The following NKAIN3 variants were observed in gnomAD, a reference collection of about 807,000 sequenced individuals.
NKAIN3 encodes sodium/potassium-transporting ATPase subunit beta-1-interacting protein 3.
Under a neutral mutation model 30.2 loss-of-function variants are expected in NKAIN3, and 25 were observed. The observed-to-expected ratio is 0.83, with a 90% CI of 0.60 to 1.16. The LOEUF (loss-of-function observed/expected upper bound fraction) is 1.16, where lower values mean the gene tolerates loss of function less well. NKAIN3 is among the 50% of genes most tolerant of loss of function. NKAIN3 has a pLI of 0.00. For missense variants in NKAIN3, 225 were observed against 254.1 expected (o/e 0.89, Z 0.78); for synonymous variants, 91 against 89.6 (o/e 1.02, Z -0.09).
chr8:62,391,813 G>GTGTA (rs931941768), intron 1 of NKAIN3, among the ~76,000 whole-genome samples: 49 of 152,042 alleles, frequency 3.2e-4, no homozygotes, highest in African/African-American at 1.1e-3. Flanking sequence ...GTGTGGGTGT[G>GTGTA]TGTATGCGTG....
At chr8:62,630,364 T>G (rs1010739079) in intron 3 of NKAIN3, among the ~76,000 whole-genome samples, 4 of 152,036 alleles carry the variant, frequency 2.6e-5, no homozygotes, top group Non-Finnish European at 5.9e-5. Context: ...TGCAATAAAA[T>G]GAGGTATAAG....
chr8:62,772,021 T>C (rs910248812), intron 4 of NKAIN3, among the ~76,000 whole-genome samples: 1 of 152,198 alleles, frequency 6.6e-6, no homozygotes, highest in African/African-American at 2.4e-5. Flanking sequence ...CCTATCTAAC[T>C]ATATTTTTGT....
At chr8:62,256,938 C>A (rs1230860028) in intron 1 of NKAIN3, among the ~76,000 whole-genome samples, 2 of 152,126 alleles carry the variant, frequency 1.3e-5, no homozygotes, top group Non-Finnish European at 2.9e-5. Flanking sequence ...TCCTGTTTCT[C>A]TACTTTACAA....
At chr8:62,904,108 T>C (rs1366935180) in intron 4 of NKAIN3, among the ~76,000 whole-genome samples, 1 of 152,178 alleles carries the variant, frequency 6.6e-6, no homozygotes, top group East Asian at 1.9e-4. Flanking sequence ...CCCAAATTAG[T>C]AGCCACATGT....
chr8:62,273,150 G>C (rs917543800), intron 1 of NKAIN3, among the ~76,000 whole-genome samples: 1 of 152,264 alleles, frequency 6.6e-6, no homozygotes, highest in Admixed American at 6.5e-5. Context: ...GCTGATCTTT[G>C]TTCTATACTT....
intron 1 of NKAIN3, among the ~76,000 whole-genome samples, chr8:62,520,566 T>C (rs1808123620): frequency 6.6e-6 from 1 of 152,140 alleles, no homozygotes; most frequent in Non-Finnish European, 1.5e-5. Flanking sequence ...ACTTGAACAC[T>C]ACTTATATGT....
At chr8:62,566,604 A>G (rs1326037509) in intron 1 of NKAIN3, among the ~76,000 whole-genome samples, 1 of 152,136 alleles carries the variant, frequency 6.6e-6, no homozygotes, top group Non-Finnish European at 1.5e-5. Flanking sequence ...CTTTAATCAT[A>G]TATGTAAAAT....
chr8:62,928,180 C>T (rs140212464), intron 5 of NKAIN3, among the ~76,000 whole-genome samples: 1,671 of 152,214 alleles, frequency 0.011, 25 homozygotes, highest in Middle Eastern at 0.02. Flanking sequence ...AAATAGGGAA[C>T]ATTTGGTAAA....
At chr8:62,470,517 C>CT (rs1171754320) in intron 1 of NKAIN3, among the ~76,000 whole-genome samples, 1 of 151,980 alleles carries the variant, frequency 6.6e-6, no homozygotes, top group East Asian at 1.9e-4. Context: ...AATCCTGAAT[C>CT]TTTTTGCTAA....
At chr8:62,716,888 G>A (rs1413659646) in intron 3 of NKAIN3, among the ~76,000 whole-genome samples, 1 of 152,040 alleles carries the variant, frequency 6.6e-6, no homozygotes, top group Admixed American at 6.6e-5. Context: ...TTGAGGCCAG[G>A]AGTTCAAGAC....
At chr8:62,714,077 C>T (rs1814813756) in intron 3 of NKAIN3, among the ~76,000 whole-genome samples, 1 of 151,920 alleles carries the variant, frequency 6.6e-6, no homozygotes, top group Non-Finnish European at 1.5e-5. Flanking sequence ...TATAATTTGC[C>T]ATACCTCTCC....
At chr8:62,260,748 C>T (rs1169338450) in intron 1 of NKAIN3, among the ~76,000 whole-genome samples, 1 of 152,080 alleles carries the variant, frequency 6.6e-6, no homozygotes, top group Non-Finnish European at 1.5e-5. Flanking sequence ...TTAAATACAG[C>T]TTTATTAAAC....
At chr8:62,772,158 C>T (rs1817033804) in intron 4 of NKAIN3, among the ~76,000 whole-genome samples, 1 of 152,146 alleles carries the variant, frequency 6.6e-6, no homozygotes. Context: ...TGAGAATGTG[C>T]AAAGTTTGTC....
intron 3 of NKAIN3, among the ~76,000 whole-genome samples, chr8:62,596,536 T>A (rs1367938734): frequency 6.6e-6 from 1 of 152,058 alleles, no homozygotes; most frequent in Non-Finnish European, 1.5e-5. Context: ...TGCATGGGCA[T>A]GGAGGACGAT....
chr8:62,249,164 C>A (rs1217611657), intron 1 of NKAIN3, 37 bp downstream of exon 1: 1 of 1,503,318 alleles, frequency 6.7e-7, no homozygotes, highest in Non-Finnish European at 8.9e-7. Flanking sequence ...AGGACAGGTC[C>A]CTGCTCCAGG....
At chr8:62,544,285 G>A (rs539272041) in intron 1 of NKAIN3, among the ~76,000 whole-genome samples, 1 of 152,236 alleles carries the variant, frequency 6.6e-6, no homozygotes, top group African/African-American at 2.4e-5. Flanking sequence ...TTACAGCTGT[G>A]AGCCACTGAA....
At chr8:62,259,828 G>T (rs996239447) in intron 1 of NKAIN3, among the ~76,000 whole-genome samples, 1 of 152,184 alleles carries the variant, frequency 6.6e-6, no homozygotes, top group African/African-American at 2.4e-5. Context: ...AGCATCTGCA[G>T]TTCATTGAAC....
At chr8:62,399,564 A>C (rs1817872289) in intron 1 of NKAIN3, among the ~76,000 whole-genome samples, 1 of 152,210 alleles carries the variant, frequency 6.6e-6, no homozygotes, top group South Asian at 2.1e-4. Flanking sequence ...AGATTTGCTT[A>C]AACAAGCAAC....
intron 1 of NKAIN3, among the ~76,000 whole-genome samples, chr8:62,566,875 A>T (rs1350437275): frequency 1.3e-5 from 2 of 152,124 alleles, no homozygotes; most frequent in African/African-American, 4.8e-5. Context: ...TATTATAGAC[A>T]TGAAAGTTAT....
Sources: allele counts gnomAD v4.1 joint callset (sites outside exome capture counted in the v4.1 genomes callset), GRCh38; gene constraint gnomAD v4.1.1; transcripts MANE v1.5; gene names NCBI Gene and HGNC (gene_info 2026-07-23, HGNC 2026-07-21).